The following MRPS25 variants were observed in gnomAD, a reference collection of about 807,000 sequenced individuals.
The protein encoded by MRPS25 is mitochondrial ribosomal protein S25, also known as small ribosomal subunit protein mS25.
MRPS25 carries 15 observed loss-of-function variants against 17.3 expected under a neutral mutation model. The ratio of observed to expected loss-of-function variants is 0.87; its 90% CI spans 0.58 to 1.34. The LOEUF (loss-of-function observed/expected upper bound fraction) is 1.34. MRPS25 is among the 40% of genes most tolerant of loss of function. MRPS25 has a pLI of 0.00. For synonymous variants in MRPS25, 94 were observed against 83.3 expected, an observed-to-expected ratio of 1.13 and a Z score of -0.70; for missense variants, 225 against 218.6, an observed-to-expected ratio of 1.03 and a Z score of -0.19.
chr3:15,058,632 T>C (rs2042703410), intron 2 of MRPS25, among the ~76,000 whole-genome samples: 1 of 152,220 alleles, frequency 6.6e-6, no homozygotes, highest in African/African-American at 2.4e-5. Context: ...GTGTTACATA[T>C]TGGTGGAATG....
chr3:15,044,416 C>T (rs2042379656), downstream of MRPS25: 3 of 152,152 alleles, frequency 2.0e-5, no homozygotes, highest in South Asian at 4.1e-4. Flanking sequence ...TCTTTCTCCT[C>T]ATAAATTGTA....
At position 15,062,503 on chromosome 3, in the gene MRPS25, G is replaced by A. The variant is rs1214072801; in HGVS notation, c.134+2558C>T. On this transcript the variant is annotated intron_variant, in intron 1 of 3. Coordinates refer to ENST00000253686, the MANE Select transcript of MRPS25 (RefSeq NM_022497.5). ...CGTCCAGGAGGTGAGGGGCGCCTCT[G>A]CCCGGCCGCCCCTACTGGGAAGTGA... is the stretch of plus-strand genomic sequence containing the variant. Among the ~76,000 whole-genome samples, 722 of 150,596 alleles carry A rather than the reference G, an allele frequency of 4.8e-3. 6 individuals carry two copies. Among genetic ancestry groups the A allele is most frequent in the African/African-American group, 0.017 (690 of 40,812 alleles).
chr3:15,049,646 C>G lies in MRPS25; in HGVS notation c.*2795G>C, dbSNP rs1411041896. On this transcript the variant is annotated 3_prime_UTR_variant, in exon 4 of 4. Coordinates refer to ENST00000253686, the MANE Select transcript of MRPS25 (RefSeq NM_022497.5). ...CTTATTCTCTAAGGATACGTGCTAT[C>G]AAGGGCAAAAACAAGCTCCAAAAGT... is the stretch of plus-strand genomic sequence containing the variant. 7.5e-6 allele frequency: 4 copies of G among 532,122 alleles called. No homozygotes were observed. Among genetic ancestry groups the G allele is most frequent in the South Asian group, 2.6e-5 (1 of 38,672 alleles). The allele number at this position is 532,122 out of a possible 1,614,324, so 33.0% of individuals were successfully genotyped here. A position where few individuals can be genotyped will look rare whatever the true frequency, so the allele number is the denominator to read the frequency against.
Position 15,065,276 on chromosome 3 carries a change from C to A in MRPS25, c.-82G>T. The A allele has an allele frequency of 3.4e-6, 5 of 1,449,662 alleles. No homozygotes were observed. The highest frequency in any genetic ancestry group is 4.5e-6 in the Non-Finnish European group (5 of 1,099,782). 89.8% of individuals were successfully genotyped at this position (1,449,662 alleles called of 1,614,324 possible). On this transcript the variant is annotated 5_prime_UTR_variant, in exon 1 of 4. Transcript: ENST00000253686. Reference sequence around the variant, plus strand: ...AGGACTAGCTAGCACCCGCGCGGATCTCACGCGGCTTCTCCCCAGAGCCAG... The same window carrying A: ...AGGACTAGCTAGCACCCGCGCGGATATCACGCGGCTTCTCCCCAGAGCCAG...
chr3:15,052,691 G>A (rs1393100540), intron 3 of MRPS25, 58 bp from the exon 4 acceptor site: 1 of 1,566,766 alleles, frequency 6.4e-7, no homozygotes, highest in Admixed American at 1.7e-5. Context: ...CAGGCACAGG[G>A]CAGTTTCTCA....
In MRPS25 at chr3:15,065,210, G is replaced by T; in HGVS notation, c.-16C>A. The stretch of plus-strand genomic sequence containing the variant: ...TCATGGGCATGGCGGCAACGGTGGC[G>T]GGGCCGACCCCACGGGCCGCGAGCC... On this transcript the variant is annotated 5_prime_UTR_variant, in exon 1 of 4. Transcript: ENST00000253686. 1 of 1,577,264 alleles carries T rather than the reference G, an allele frequency of 6.3e-7. No individual in the cohort carries two copies. Among genetic ancestry groups the T allele is most frequent in the African/African-American group, 1.4e-5 (1 of 74,002 alleles).
chr3:15,049,658 C>T lies in MRPS25; in HGVS notation c.*2783G>A, dbSNP rs1251668913. 3.7e-6 allele frequency: 2 copies of T among 534,684 alleles called. No individual in the cohort carries two copies. The highest frequency in any genetic ancestry group is 4.0e-5 in the African/African-American group (2 of 49,978). The allele number at this position is 534,684 out of a possible 1,614,324, so 33.1% of individuals were successfully genotyped here. ...GGATACGTGCTATCAAGGGCAAAAACAAGCTCCAAAAGTTTCAGAAGTTAG... is the reference window on the plus strand; with the variant it reads ...GGATACGTGCTATCAAGGGCAAAAATAAGCTCCAAAAGTTTCAGAAGTTAG... On this transcript the variant is annotated 3_prime_UTR_variant, in exon 4 of 4. Coordinates refer to ENST00000253686, the MANE Select transcript of MRPS25 (RefSeq NM_022497.5).
At chr3:15,053,899 T>C (rs978845911) in intron 2 of MRPS25, among the ~76,000 whole-genome samples, 2 of 152,090 alleles carry the variant, frequency 1.3e-5, no homozygotes, top group African/African-American at 4.8e-5. Flanking sequence ...TGGGAGAACG[T>C]TTACTTTCCA....
At chr3:15,064,696 C>T (rs903659922) in intron 1 of MRPS25, among the ~76,000 whole-genome samples, 1 of 152,244 alleles carries the variant, frequency 6.6e-6, no homozygotes, top group African/African-American at 2.4e-5. Flanking sequence ...CCTGGGGTGT[C>T]ACCCCCGTCA....
rs1445203928 is a variant in MRPS25 at position 15,065,293 on chromosome 3, C to T, written c.-99G>A. 2 of 1,425,590 alleles carry T rather than the reference C, an allele frequency of 1.4e-6. No homozygotes were observed. Among genetic ancestry groups the T allele is most frequent in the East Asian group, 2.7e-5 (1 of 37,602 alleles). 88.3% of individuals were successfully genotyped at this position (1,425,590 alleles called of 1,614,324 possible). Reference sequence around the variant, plus strand: ...GCGCGGATCTCACGCGGCTTCTCCCCAGAGCCAGGTTCCACTTCCCGCGCA... The same window carrying T: ...GCGCGGATCTCACGCGGCTTCTCCCTAGAGCCAGGTTCCACTTCCCGCGCA... On this transcript the variant is annotated 5_prime_UTR_variant, in exon 1 of 4. Coordinates refer to ENST00000253686, the MANE Select transcript of MRPS25 (RefSeq NM_022497.5).
At chr3:15,043,426 C>T (rs1455672774), downstream of MRPS25, 1 of 153,306 alleles carries the variant, frequency 6.5e-6, no homozygotes, top group African/African-American at 2.4e-5. Context: ...AATATTAGCA[C>T]TTTCTAAGCA....
At chr3:15,061,207 CGTCTCCCTCTCCCCACG>C (rs1317961722) in intron 1 of MRPS25, among the ~76,000 whole-genome samples, 2 of 152,110 alleles carry the variant, frequency 1.3e-5, no homozygotes, top group African/African-American at 2.4e-5. Context: ...TCTGCCTCTC[CGTCTCCCTCTCCCCACG>C]GTCTCCCTCT....
At position 15,052,376 on chromosome 3, in the gene MRPS25, G is replaced by A. The variant is rs976798937; in HGVS notation, c.*65C>T. 16 of 1,554,408 alleles carry A rather than the reference G, an allele frequency of 1.0e-5. No individual in the cohort carries two copies. The highest frequency in any genetic ancestry group is 1.2e-5 in the Non-Finnish European group (14 of 1,148,600). On this transcript the variant is annotated 3_prime_UTR_variant, in exon 4 of 4. Coordinates refer to ENST00000253686, the MANE Select transcript of MRPS25 (RefSeq NM_022497.5). The stretch of plus-strand genomic sequence containing the variant: ...GAACCAGGGGCTTCCCTGGGCCAAA[G>A]TAATCCCATTCCAATCTCCCCACTG...
chr3:15,059,228 G>A (rs935341303), intron 2 of MRPS25, 141 bp downstream of exon 2: 5 of 642,798 alleles, frequency 7.8e-6, no homozygotes, highest in Non-Finnish European at 1.4e-5. Flanking sequence ...GCCTCGGTAT[G>A]GGGAAGCCAA....
At chr3:15,054,752 C>T (rs1183423643) in intron 2 of MRPS25, among the ~76,000 whole-genome samples, 3 of 152,056 alleles carry the variant, frequency 2.0e-5, no homozygotes, top group Non-Finnish European at 2.9e-5. Context: ...TCAGGAGTCA[C>T]CATAACCCAC....
chr3:15,064,695 T>TC (rs1406327765), intron 1 of MRPS25, among the ~76,000 whole-genome samples: 1 of 152,214 alleles, frequency 6.6e-6, no homozygotes, highest in African/African-American at 2.4e-5. Flanking sequence ...TCCTGGGGTG[T>TC]CACCCCCGTC....
In MRPS25 at chr3:15,049,972, C is replaced by CT; in HGVS notation, c.*2468dup. 6.7e-7 allele frequency: 1 copy of CT among 1,500,008 alleles called. No individual in the cohort carries two copies. The highest frequency in any genetic ancestry group is 8.8e-7 in the Non-Finnish European group (1 of 1,136,160). 92.9% of individuals were successfully genotyped at this position (1,500,008 alleles called of 1,614,324 possible). On this transcript the variant is annotated 3_prime_UTR_variant, in exon 4 of 4. Transcript: ENST00000253686. ...GAAAAGTGGTCACTTCAGAATAAGG[C>CT]TGTGAACACTGCTTGTGCAAGTAAA...
chr3:15,054,932 A>G (rs2042650698), intron 2 of MRPS25, among the ~76,000 whole-genome samples: 1 of 152,216 alleles, frequency 6.6e-6, no homozygotes, highest in South Asian at 2.1e-4. Context: ...GAGACTGAGT[A>G]ATTTATAGAG....
At chr3:15,046,130 AT>A (rs1209908374), downstream of MRPS25, 1 of 152,342 alleles carries the variant, frequency 6.6e-6, no homozygotes, top group East Asian at 1.9e-4. Context: ...CTAATTTGAC[AT>A]TTCTGTGTCC....
Sources: gnomAD v4.1 joint callset for allele counts (sites outside exome capture counted in the v4.1 genomes callset) on GRCh38, gnomAD v4.1.1 for gene constraint, MANE v1.5 for transcripts, NCBI Gene and HGNC (gene_info 2026-07-23, HGNC 2026-07-21) for gene names.